Variants in CDYL2 observed in about 807,000 individuals in gnomAD.
The protein encoded by CDYL2 is chromodomain Y-like protein 2.
A neutral mutation model predicts 49.4 loss-of-function variants in CDYL2; 23 were observed. The observed-to-expected ratio is 0.47, with a 90% CI of 0.34 to 0.66. The LOEUF (loss-of-function observed/expected upper bound fraction) is 0.66, where lower values mean the gene tolerates loss of function less well. Among genes scored for constraint, CDYL2 ranks in the 30% least tolerant of loss-of-function variants. The pLI, the probability that CDYL2 is intolerant of heterozygous loss-of-function variation, is 0.01. For synonymous variants in CDYL2, 360 were observed against 268.8 expected (o/e 1.34, Z -3.32); for missense variants, 678 against 656.4 (o/e 1.03, Z -0.36).
chr16:80,677,746 TAA>T (rs1291500151), intron 2 of CDYL2, among the ~76,000 whole-genome samples: 1 of 144,846 alleles, frequency 6.9e-6, no homozygotes, highest in Admixed American at 6.7e-5. Flanking sequence ...CTCAAAAAAA[TAA>T]AAATAAAAAT....
chr16:80,715,152 C>T (rs186763248), intron 1 of CDYL2, among the ~76,000 whole-genome samples: 9 of 152,196 alleles, frequency 5.9e-5, no homozygotes, highest in African/African-American at 2.2e-4. Context: ...TCGACCCAAG[C>T]CATGGATCTA....
intron 2 of CDYL2, 54 bp downstream of exon 2, chr16:80,684,484 G>A (rs1403118674): frequency 2.1e-5 from 32 of 1,528,552 alleles, no homozygotes; most frequent in Non-Finnish European, 2.9e-5. Flanking sequence ...TACAGGCAGA[G>A]CTCCCCTTTC....
chr16:80,692,194 G>T (rs1004709906), intron 1 of CDYL2, among the ~76,000 whole-genome samples: 8 of 152,160 alleles, frequency 5.3e-5, no homozygotes, highest in African/African-American at 1.9e-4. Flanking sequence ...CTTCACTGAC[G>T]GGGGAAGGAG....
chr16:80,636,391 T>C (rs1907825244), intron 2 of CDYL2, among the ~76,000 whole-genome samples: 1 of 151,958 alleles, frequency 6.6e-6, no homozygotes, highest in Non-Finnish European at 1.5e-5. Context: ...CATCAAAAAG[T>C]GGGCAAAGGA....
At chr16:80,796,286 C>A (rs1190177674) in intron 1 of CDYL2, among the ~76,000 whole-genome samples, 3 of 152,176 alleles carry the variant, frequency 2.0e-5, no homozygotes, top group Non-Finnish European at 4.4e-5. Flanking sequence ...TTAGGATAAT[C>A]TCCCTTATTA....
intron 2 of CDYL2, among the ~76,000 whole-genome samples, chr16:80,663,937 C>G (rs1418516215): frequency 6.6e-6 from 1 of 152,188 alleles, no homozygotes; most frequent in Non-Finnish European, 1.5e-5. Flanking sequence ...ATTCAAAATA[C>G]AAAACTAACC....
At chr16:80,759,120 A>ATATATATATATATATATGTTT (rs1555535892) in intron 1 of CDYL2, among the ~76,000 whole-genome samples, 2 of 122,696 alleles carry the variant, frequency 1.6e-5, no homozygotes, top group Admixed American at 8.2e-5. Context: ...ATATATATAT[A>ATATATATATATATATATGTTT]TATATATATA....
At chr16:80,656,797 C>T (rs9888974) in intron 2 of CDYL2, among the ~76,000 whole-genome samples, 4,990 of 152,122 alleles carry the variant, frequency 0.033, 275 homozygotes, top group African/African-American at 0.11. Context: ...TGACACAAAG[C>T]AGTCAGTGGG....
chr16:80,750,268 A>C (rs1906084941), intron 1 of CDYL2, among the ~76,000 whole-genome samples: 1 of 152,022 alleles, frequency 6.6e-6, no homozygotes, highest in South Asian at 2.1e-4. Flanking sequence ...AAAAATATGT[A>C]AAGCACAAAG....
rs964900309 is a variant in CDYL2 at position 80,600,752 on chromosome 16, G to T, written c.*3636C>A. On this transcript the variant is annotated 3_prime_UTR_variant, in exon 7 of 7. Transcript: ENST00000570137. ...AAAAAATTTCCACAGAAACTAGATTGGAAAATTTAATGGATGTGACTAAAT... is the reference window on the plus strand; with the variant it reads ...AAAAAATTTCCACAGAAACTAGATTTGAAAATTTAATGGATGTGACTAAAT... The T allele has an allele frequency of 6.6e-6, 1 of 151,676 alleles. No homozygotes were observed. Among genetic ancestry groups the T allele is most frequent in the African/African-American group, 2.4e-5 (1 of 41,198 alleles). 9.4% of individuals were successfully genotyped at this position (151,676 alleles called of 1,614,324 possible).
chr16:80,719,723 G>A (rs1203676352), intron 1 of CDYL2, among the ~76,000 whole-genome samples: 2 of 152,196 alleles, frequency 1.3e-5, no homozygotes, highest in East Asian at 1.9e-4. Flanking sequence ...AGACACAGTG[G>A]CAGGAAACAA....
chr16:80,618,154 G>T (rs1281556930), intron 4 of CDYL2, among the ~76,000 whole-genome samples: 1 of 152,318 alleles, frequency 6.6e-6, no homozygotes, highest in Non-Finnish European at 1.5e-5. Context: ...CCGCCATCTT[G>T]CCCTGTGCTC....
intron 1 of CDYL2, among the ~76,000 whole-genome samples, chr16:80,766,392 T>C (rs1271754998): frequency 6.6e-6 from 1 of 152,178 alleles, no homozygotes; most frequent in Non-Finnish European, 1.5e-5. Flanking sequence ...TGATAATCCA[T>C]TTTTCACCTA....
At chr16:80,679,676 C>A in intron 2 of CDYL2, 1 of 456,024 alleles carries the variant, frequency 2.2e-6, no homozygotes, top group Non-Finnish European at 4.4e-6. Context: ...TTTACAAAGT[C>A]TTATGAATGC....
chr16:80,603,152 G>C lies in CDYL2; in HGVS notation c.*1236C>G, dbSNP rs1038551774. ...ATTCAGACCTCCAGACAGCTCAGCAGAGTGGGAACTCTTCCCCATCCCCCT... is the reference window on the plus strand; with the variant it reads ...ATTCAGACCTCCAGACAGCTCAGCACAGTGGGAACTCTTCCCCATCCCCCT... On this transcript the variant is annotated 3_prime_UTR_variant, in exon 7 of 7. Coordinates refer to ENST00000570137, the MANE Select transcript of CDYL2 (RefSeq NM_152342.4). 1.3e-5 allele frequency: 2 copies of C among 152,264 alleles called. No homozygotes were observed. Among genetic ancestry groups the C allele is most frequent in the Non-Finnish European group, 2.9e-5 (2 of 68,092 alleles). 9.4% of individuals were successfully genotyped at this position (152,264 alleles called of 1,614,324 possible).
At chr16:80,643,022 G>A (rs1238830597) in intron 2 of CDYL2, among the ~76,000 whole-genome samples, 1 of 152,124 alleles carries the variant, frequency 6.6e-6, no homozygotes, top group Non-Finnish European at 1.5e-5. Context: ...ACAGTGCAAA[G>A]TCTCATCTGA....
At chr16:80,694,484 C>T (rs942623141) in intron 1 of CDYL2, among the ~76,000 whole-genome samples, 2 of 102,614 alleles carry the variant, frequency 1.9e-5, no homozygotes, top group Non-Finnish European at 5.0e-5. Context: ...AGGTTTCTCA[C>T]TGGCTTAAAA....
In CDYL2 at chr16:80,728,986, A is replaced by G. The variant is rs565870082; in HGVS notation, c.25-43857T>C. Among the ~76,000 whole-genome samples the G allele has an allele frequency of 2.9e-3, 446 of 152,178 alleles. 1 individual carries two copies. Among genetic ancestry groups the G allele is most frequent in the African/African-American group, 0.01 (416 of 41,518 alleles). On this transcript the variant is annotated intron_variant, in intron 1 of 6. Coordinates refer to ENST00000570137, the MANE Select transcript of CDYL2 (RefSeq NM_152342.4). ...TGGAAAGGAACAACCGGTACCAGCC[A>G]CTGCAAAATCATGCCAAAATGTAAA...
intron 2 of CDYL2, among the ~76,000 whole-genome samples, chr16:80,649,125 G>A (rs1247675304): frequency 6.6e-6 from 1 of 152,118 alleles, no homozygotes; most frequent in African/African-American, 2.4e-5. Flanking sequence ...ACATAGTACT[G>A]AAAGTTCTAG....
Sources: allele counts gnomAD v4.1 joint callset (sites outside exome capture counted in the v4.1 genomes callset), GRCh38; gene constraint gnomAD v4.1.1; transcripts MANE v1.5; gene names NCBI Gene and HGNC (gene_info 2026-07-23, HGNC 2026-07-21).